The following DUSP8 variants were observed in gnomAD, a reference collection of about 807,000 sequenced individuals.
The protein encoded by DUSP8 is dual specificity protein phosphatase 8.
DUSP8 carries 15 observed loss-of-function variants against 38.7 expected under a neutral mutation model. That is an observed-to-expected ratio of 0.39 (90% CI 0.26 to 0.60). The LOEUF is 0.60. DUSP8 is among the 20% of genes least tolerant of loss of function. DUSP8 has a pLI of 0.56. For synonymous variants in DUSP8, 458 were observed against 433.9 expected, an observed-to-expected ratio of 1.06 and a Z score of -0.69; for missense variants, 768 against 915.0, an observed-to-expected ratio of 0.84 and a Z score of 2.07.
chr11:1,557,771 T>C lies in DUSP8; in HGVS notation c.821+23A>G, dbSNP rs1848659209. 3 of 1,611,974 alleles carry C rather than the reference T, an allele frequency of 1.9e-6. No homozygotes were observed. Among genetic ancestry groups the C allele is most frequent in the South Asian group, 1.1e-5 (1 of 90,986 alleles). On this transcript the variant is annotated intron_variant, in intron 6 of 6. Coordinates refer to ENST00000397374, the MANE Select transcript of DUSP8 (RefSeq NM_004420.3). The surrounding 1 kb of genome is among the most constrained non-coding windows in gnomAD (Gnocchi z 9.9). ...GGGAAGCGACGCTGTGAGCCACAAG[T>C]GCGCGACTGGGGAAGGTGGTACCTG...
rs142085152 is a variant in DUSP8, at chr11:1,567,253, G to C, written c.-108-1319C>G. On this transcript the variant is annotated intron_variant, in intron 1 of 6. Transcript: ENST00000397374. The stretch of plus-strand genomic sequence containing the variant: ...GCCCTGTGCAAAGCGGGCTACGGTG[G>C]GTAGCGGGCCCTCAGCAAGCCAGAC... Among the ~76,000 whole-genome samples the C allele has an allele frequency of 2.3e-3, 350 of 152,290 alleles. 1 individual carries two copies. Among genetic ancestry groups the C allele is most frequent in the Non-Finnish European group, 3.1e-3 (210 of 68,008 alleles).
intron 1 of DUSP8, among the ~76,000 whole-genome samples, chr11:1,570,171 G>C (rs1050186047): frequency 6.6e-6 from 1 of 152,192 alleles, no homozygotes; most frequent in South Asian, 2.1e-4. Context: ...TTGGCACAAG[G>C]GGCCGTGACA....
chr11:1,569,848 G>A (rs906493686), intron 1 of DUSP8, among the ~76,000 whole-genome samples: 4 of 152,180 alleles, frequency 2.6e-5, no homozygotes, highest in Non-Finnish European at 1.5e-5. Context: ...CCGGCTCACT[G>A]TTACCCAGGG....
chr11:1,560,656 G>T (rs1318140122), intron 3 of DUSP8, among the ~76,000 whole-genome samples: 1 of 152,220 alleles, frequency 6.6e-6, no homozygotes, highest in African/African-American at 2.4e-5. Context: ...AGGTTCCCCT[G>T]AGCAGAGGCT....
rs1201128206 is a variant in DUSP8 at position 1,565,766 on chromosome 11, G to C, written c.61C>G (p.Arg21Gly). 1 of 1,611,332 alleles carries C rather than the reference G, an allele frequency of 6.2e-7. No homozygotes were observed. Among genetic ancestry groups the C allele is most frequent in the Admixed American group, 1.7e-5 (1 of 60,006 alleles). Residue 21 changes from arginine (R) to glycine (G), a missense_variant, in exon 2 of 7, where the codon CGG (arginine) becomes GGG (glycine). Physicochemically the swap from Arg to Gly is moderately radical, Grantham distance 125. Coordinates refer to ENST00000397374, the MANE Select transcript of DUSP8 (RefSeq NM_004420.3). ...ACCAGCGGCCCCCCAGGCCCGCCCCGCAGCAGGCTGGCCAGCTTCTTGGCA... is the reference window on the plus strand; with the variant it reads ...ACCAGCGGCCCCCCAGGCCCGCCCCCCAGCAGGCTGGCCAGCTTCTTGGCA... The part of the protein sequence containing the change: ...MDAKKLASLL[R>G]GGPGGPLVID...
chr11:1,567,317 C>A (rs1188655304), intron 1 of DUSP8, among the ~76,000 whole-genome samples: 1 of 152,214 alleles, frequency 6.6e-6, no homozygotes, highest in Non-Finnish European at 1.5e-5. Context: ...GGGGGAGGCG[C>A]CCTGAGGACA....
chr11:1,564,213 C>A (rs1305712721), intron 2 of DUSP8, among the ~76,000 whole-genome samples: 1 of 152,224 alleles, frequency 6.6e-6, no homozygotes, highest in East Asian at 1.9e-4. Flanking sequence ...GCCATGGGGG[C>A]AGGGAGGGGT....
intron 3 of DUSP8, among the ~76,000 whole-genome samples, chr11:1,560,092 C>T (rs1848694429): frequency 6.6e-6 from 1 of 152,182 alleles, no homozygotes; most frequent in African/African-American, 2.4e-5. Context: ...GCTGCCAGCT[C>T]TTGGGAGGGT....
rs201213553 is a variant in DUSP8, at chr11:1,557,168, C to T, written c.1228G>A (p.Gly410Ser). The change falls in exon 7 of 7, where the codon GGC becomes AGC. Residue 410 changes from glycine to serine, a missense_variant. Physicochemically the swap from Gly to Ser is moderately conservative, Grantham distance 56. Around this residue, in one of 3 missense-constraint regions of DUSP8, gnomAD observed 474 missense variants for 430.8 expected, o/e 1.10. Transcript: ENST00000397374. The surrounding 1 kb of genome is among the most constrained non-coding windows in gnomAD (Gnocchi z 9.9). ...SAYAPSRRPD[G>S]PGPPDPGEAP... ...TCGCCGGGGTCGGGGGGCCCGGGGCCGTCGGGCCGCCTGCTAGGGGCGTAG... is the reference window on the plus strand; with the variant it reads ...TCGCCGGGGTCGGGGGGCCCGGGGCTGTCGGGCCGCCTGCTAGGGGCGTAG... 4,224 of 1,448,096 alleles carry T rather than the reference C, an allele frequency of 2.9e-3. 7 individuals are homozygous for T. Among genetic ancestry groups the T allele is most frequent in the Non-Finnish European group, 3.2e-3 (3,594 of 1,107,890 alleles). The allele number at this position is 1,448,096 out of a possible 1,614,324, so 89.7% of individuals were successfully genotyped here. A position where few individuals can be genotyped will look rare whatever the true frequency, so the allele number is the denominator to read the frequency against.
intron 3 of DUSP8, among the ~76,000 whole-genome samples, chr11:1,562,223 G>A (rs1379823727): frequency 6.6e-6 from 1 of 152,214 alleles, no homozygotes; most frequent in Non-Finnish European, 1.5e-5. Flanking sequence ...GGCCTCGAGG[G>A]AGACAGGCCC....
intron 1 of DUSP8, among the ~76,000 whole-genome samples, chr11:1,567,285 C>T (rs1305277672): frequency 6.6e-6 from 1 of 152,226 alleles, no homozygotes; most frequent in African/African-American, 2.4e-5. Flanking sequence ...AGACCCCCAA[C>T]CCACAGCCAC....
rs1404908634 is a variant in DUSP8, at chr11:1,557,000, G to GCGCGGGGGAGCC, written c.1384_1395dup (p.Gly462_Ala465dup). On this transcript the variant is annotated inframe_insertion, in exon 7 of 7. Coordinates refer to ENST00000397374, the MANE Select transcript of DUSP8 (RefSeq NM_004420.3). The surrounding 1 kb of genome is among the most constrained non-coding windows in gnomAD (Gnocchi z 5.2). ...AGGCCGAGGCTGTGCGCGGGGGAGC[G>GCGCGGGGGAGCC]CGCGGGGGAGCCGGCGGGGGGCCGG... 9.8e-7 allele frequency: 1 copy of GCGCGGGGGAGCC among 1,019,192 alleles called. No individual in the cohort carries two copies. Among genetic ancestry groups the GCGCGGGGGAGCC allele is most frequent in the East Asian group, 9.8e-5 (1 of 10,240 alleles). The allele number at this position is 1,019,192 out of a possible 1,614,324, so 63.1% of individuals were successfully genotyped here. A position where few individuals can be genotyped will look rare whatever the true frequency, so the allele number is the denominator to read the frequency against.
In DUSP8 at chr11:1,557,316, C is replaced by T. The variant is rs765416750; in HGVS notation, c.1080G>A (p.Ala360=). The change falls in exon 7 of 7, where the codon GCG becomes GCA. Residue 360 remains alanine, a synonymous_variant. Transcript: ENST00000397374. This position sits in a 1 kb window ranked among gnomAD's most constrained non-coding sequence, Gnocchi z 9.9. ...GGLSAGGEPP[A]PPTPPATSAL... ...CGCTGGTCGCCGGGGGCGTGGGGGG[C>T]GCGGGGGGCTCCCCGCCCGCGCTCA... 1 of 1,487,302 alleles carries T rather than the reference C, an allele frequency of 6.7e-7. No individual in the cohort carries two copies. Among genetic ancestry groups the T allele is most frequent in the Admixed American group, 2.5e-5 (1 of 40,130 alleles). 92.1% of individuals were successfully genotyped at this position (1,487,302 alleles called of 1,614,324 possible).
At chr11:1,564,106 G>A (rs573172258) in intron 2 of DUSP8, 117 bp from the exon 3 acceptor site, 5 of 1,270,118 alleles carry the variant, frequency 3.9e-6, no homozygotes, top group Non-Finnish European at 3.1e-6. Flanking sequence ...GAGGCAGGCA[G>A]CTGTCACCTT....
rs779272914 is a variant in DUSP8, at chr11:1,557,611, G to C, written c.822-37C>G. On this transcript the variant is annotated intron_variant, in intron 6 of 6. Transcript: ENST00000397374. The surrounding 1 kb of genome is among the most constrained non-coding windows in gnomAD (Gnocchi z 9.9). ...GAGGCTCAGTCCCAGGCGCCCGCCG[G>C]GGCCAGGCTGCCCACCTGACGCACC... The C allele has an allele frequency of 6.7e-7, 1 of 1,495,568 alleles. No individual in the cohort carries two copies. Among genetic ancestry groups the C allele is most frequent in the Non-Finnish European group, 8.9e-7 (1 of 1,127,304 alleles). 92.6% of individuals were successfully genotyped at this position (1,495,568 alleles called of 1,614,324 possible).
chr11:1,561,160 A>C (rs976660581), intron 3 of DUSP8, among the ~76,000 whole-genome samples: 3 of 152,082 alleles, frequency 2.0e-5, no homozygotes, highest in Non-Finnish European at 2.9e-5. Context: ...TGTAGGTCCC[A>C]GCACTCTTTG....
chr11:1,557,068 G>C lies in DUSP8; in HGVS notation c.1328C>G (p.Pro443Arg), dbSNP rs1320691815. The part of the protein sequence containing the change: ...LGLSSPSPDS[P>R]DAAPEARPRP... ...TGGGCGCGCCTCAGGCGCGGCGTCCGGGCTGTCCGGGCTGGGCGAGGACAG... is the reference window on the plus strand; with the variant it reads ...TGGGCGCGCCTCAGGCGCGGCGTCCCGGCTGTCCGGGCTGGGCGAGGACAG... Residue 443 changes from proline to arginine, a missense_variant, in exon 7 of 7, where the codon CCG becomes CGG. Transcript: ENST00000397374. This position sits in a 1 kb window ranked among gnomAD's most constrained non-coding sequence, Gnocchi z 9.9. 1 of 1,223,682 alleles carries C rather than the reference G, an allele frequency of 8.2e-7. No individual in the cohort carries two copies. The highest frequency in any genetic ancestry group is 1.6e-5 in the African/African-American group (1 of 62,146). The allele number at this position is 1,223,682 out of a possible 1,614,324, so 75.8% of individuals were successfully genotyped here.
rs1193889544 is a variant in DUSP8 at position 1,556,390 on chromosome 11, T to TA, written c.*127dup. ...TGCCAGAATGAACAGCTTAAATAAA[T>TA]AAAAAATCGAAATATTTACTTCTCG... On this transcript the variant is annotated 3_prime_UTR_variant, in exon 7 of 7. Transcript: ENST00000397374. This position sits in a 1 kb window ranked among gnomAD's most constrained non-coding sequence, Gnocchi z 5.2. 8.4e-6 allele frequency: 10 copies of TA among 1,188,588 alleles called. No individual in the cohort carries two copies. The highest frequency in any genetic ancestry group is 1.1e-5 in the Non-Finnish European group (10 of 949,748). The allele number at this position is 1,188,588 out of a possible 1,614,324, so 73.6% of individuals were successfully genotyped here. A position where few individuals can be genotyped will look rare whatever the true frequency, so the allele number is the denominator to read the frequency against.
chr11:1,559,636 C>T (rs1281906491), intron 3 of DUSP8, among the ~76,000 whole-genome samples: 2 of 152,234 alleles, frequency 1.3e-5, no homozygotes, highest in African/African-American at 4.8e-5. Flanking sequence ...CCAGGCATGA[C>T]ATCACCCTGG....
Sources: allele counts gnomAD v4.1 joint callset (sites outside exome capture counted in the v4.1 genomes callset), GRCh38; gene constraint gnomAD v4.1.1; regional missense constraint gnomAD v4.1.1; non-coding constraint Gnocchi (gnomAD v3.1); transcripts MANE v1.5; gene names NCBI Gene and HGNC (gene_info 2026-07-23, HGNC 2026-07-21).